The following AXDND1 variants were observed in gnomAD, a reference collection of about 807,000 sequenced individuals.
AXDND1 encodes the protein axonemal dynein light chain domain containing 1, also known as axonemal dynein light chain domain-containing protein 1.
Under a neutral mutation model 137.5 loss-of-function variants are expected in AXDND1, and 110 were observed. That is an observed-to-expected ratio of 0.80 (90% CI 0.69 to 0.94). The LOEUF (loss-of-function observed/expected upper bound fraction) is 0.94, where lower values mean the gene tolerates loss of function less well. Ranked by LOEUF, AXDND1 falls within the 40% of genes least tolerant of loss-of-function variation. AXDND1 has a pLI of 0.00. For missense variants in AXDND1, 1,191 were observed against 1,169.8 expected, an observed-to-expected ratio of 1.02 and a Z score of -0.26; for synonymous variants, 414 against 399.7, an observed-to-expected ratio of 1.04 and a Z score of -0.43.
intron 20 of AXDND1, chr1:179,506,933 T>G (rs1668595326): frequency 1.0e-6 from 1 of 982,336 alleles, no homozygotes; most frequent in Non-Finnish European, 1.2e-6. Context: ...GCAGGTAAAT[T>G]CAAGCCCCAG....
chr1:179,541,018 C>G (rs1271126667), intron 25 of AXDND1, among the ~76,000 whole-genome samples: 3 of 152,224 alleles, frequency 2.0e-5, no homozygotes, highest in African/African-American at 7.2e-5. Flanking sequence ...AGCGAACGCT[C>G]TTCCCCCGAC....
At chr1:179,541,811 T>C (rs1016190587) in intron 25 of AXDND1, among the ~76,000 whole-genome samples, 1 of 152,128 alleles carries the variant, frequency 6.6e-6, no homozygotes, top group South Asian at 2.1e-4. Flanking sequence ...TTGTGTATAA[T>C]AGAAAAAATA....
chr1:179,442,528 G>A (rs558499827), intron 15 of AXDND1, among the ~76,000 whole-genome samples: 1 of 152,298 alleles, frequency 6.6e-6, no homozygotes, highest in East Asian at 1.9e-4. Flanking sequence ...GTCAATGTCT[G>A]AGAACTAACC....
intron 5 of AXDND1, 107 bp downstream of exon 5, chr1:179,378,864 A>C (rs768892864): frequency 2.1e-6 from 2 of 938,458 alleles, no homozygotes; most frequent in Non-Finnish European, 2.8e-6. Context: ...ACGTCATACT[A>C]TAACAACCTG....
At chr1:179,536,967 T>G (rs1003034565) in intron 25 of AXDND1, among the ~76,000 whole-genome samples, 2 of 152,246 alleles carry the variant, frequency 1.3e-5, no homozygotes, top group African/African-American at 4.8e-5. Context: ...TTATTCTCTT[T>G]GTAGCAATTA....
At chr1:179,421,016 T>C (rs1655594677) in intron 12 of AXDND1, among the ~76,000 whole-genome samples, 1 of 152,090 alleles carries the variant, frequency 6.6e-6, no homozygotes, top group South Asian at 2.1e-4. Flanking sequence ...CTTTTTCGTT[T>C]CTTATTCTAT....
intron 12 of AXDND1, among the ~76,000 whole-genome samples, chr1:179,415,533 A>G (rs555585734): frequency 7.9e-5 from 12 of 152,220 alleles, no homozygotes; most frequent in Non-Finnish European, 1.6e-4. Flanking sequence ...AAAGTGTACA[A>G]TTATATGTTT....
At chr1:179,524,003 T>C (rs1167749621) in intron 21 of AXDND1, among the ~76,000 whole-genome samples, 1 of 152,150 alleles carries the variant, frequency 6.6e-6, no homozygotes, top group Non-Finnish European at 1.5e-5. Context: ...AGAATAACAG[T>C]CTCCAAATGC....
chr1:179,514,570 CT>C (rs1379191583), intron 21 of AXDND1, among the ~76,000 whole-genome samples: 14 of 152,066 alleles, frequency 9.2e-5, no homozygotes, highest in Non-Finnish European at 1.6e-4. Flanking sequence ...TTGTATATAT[CT>C]GCTAAGTCCA....
At chr1:179,445,247 G>C in intron 16 of AXDND1, 43 bp downstream of exon 16, 2 of 1,243,800 alleles carry the variant, frequency 1.6e-6, no homozygotes, top group East Asian at 2.7e-5. Context: ...GGTATAAAAT[G>C]TTTCCACAAT....
chr1:179,515,214 A>T lies in AXDND1; in HGVS notation c.2496+5811A>T, dbSNP rs911273114. Among the ~76,000 whole-genome samples the T allele has an allele frequency of 3.3e-5, 5 of 151,696 alleles. No individual in the cohort carries two copies. In the East Asian group the frequency reaches 9.7e-4, roughly 29 times the overall value. On this transcript the variant is annotated intron_variant, in intron 21 of 25. Transcript: ENST00000367618. ...TATGCTTTAAAGAGCTTCTGTTTTG[A>T]TGTGTTTCCAGGATTAGAGCTCTTT...
chr1:179,460,466 T>TAGTTCCA (rs1447249113), intron 16 of AXDND1, among the ~76,000 whole-genome samples: 3 of 152,198 alleles, frequency 2.0e-5, no homozygotes, highest in African/African-American at 7.2e-5. Flanking sequence ...ACATTTGGGT[T>TAGTTCCA]AGTTCCAAGT....
intron 20 of AXDND1, among the ~76,000 whole-genome samples, chr1:179,498,310 A>G (rs902453510): frequency 1.3e-5 from 2 of 151,806 alleles, no homozygotes; most frequent in African/African-American, 4.8e-5. Context: ...AGACATGTAG[A>G]CTAATGGAAC....
At chr1:179,482,842 T>C (rs776313744) in intron 17 of AXDND1, among the ~76,000 whole-genome samples, 4 of 151,658 alleles carry the variant, frequency 2.6e-5, no homozygotes, top group Non-Finnish European at 5.9e-5. Context: ...TGGAAGTAAA[T>C]GTAAAGGGTG....
rs117897507 is a variant in AXDND1, at chr1:179,432,834, C to T, written c.1563+492C>T. Among the ~76,000 whole-genome samples, 1,308 of 151,616 alleles carry T rather than the reference C, an allele frequency of 8.6e-3. 41 individuals carry two copies. The highest frequency in any genetic ancestry group is 0.056 in the Admixed American group (850 of 15,226). The stretch of plus-strand genomic sequence containing the variant: ...AGGAGAATCACTTGAACCAGGGAGT[C>T]ACAGGTTGCAGTGAGCCGAGATTGC... On this transcript the variant is annotated intron_variant, in intron 15 of 25. Coordinates refer to ENST00000367618, the MANE Select transcript of AXDND1 (RefSeq NM_144696.6).
At chr1:179,424,839 C>T (rs1259757728) in intron 12 of AXDND1, among the ~76,000 whole-genome samples, 4 of 152,274 alleles carry the variant, frequency 2.6e-5, no homozygotes, top group Middle Eastern at 3.4e-3. Flanking sequence ...TTGAGAACCT[C>T]TGATGAATTT....
At chr1:179,476,554 CG>C (rs545236950) in intron 17 of AXDND1, among the ~76,000 whole-genome samples, 1,325 of 105,888 alleles carry the variant, frequency 0.013, 41 homozygotes, top group East Asian at 0.1. Context: ...ACAAATTCTT[CG>C]GTTTTTTTTT....
At position 179,551,000 on chromosome 1, in the gene AXDND1, C is replaced by T. The variant is rs114905610; in HGVS notation, c.3032-3512C>T. 8.8e-4 allele frequency: 658 copies of T among 746,556 alleles called. 3 individuals carry two copies. In the African/African-American group the frequency reaches 9.0e-3, roughly 10 times the overall value. The allele number at this position is 746,556 out of a possible 1,614,324, so 46.2% of individuals were successfully genotyped here. On this transcript the variant is annotated intron_variant, in intron 25 of 25. Coordinates refer to ENST00000367618, the MANE Select transcript of AXDND1 (RefSeq NM_144696.6). ...GAAACATGTTGTCTGCCTTCTCTGT[C>T]ATTACATCATTTCACCGTCTTCTCA... is the stretch of plus-strand genomic sequence containing the variant.
At chr1:179,451,079 G>A (rs1175366910) in intron 16 of AXDND1, 1 of 152,138 alleles carries the variant, frequency 6.6e-6, no homozygotes, top group Non-Finnish European at 1.5e-5. Flanking sequence ...TGGTTTTGGT[G>A]TCAGCATAAT....
Sources: allele counts gnomAD v4.1 joint callset (sites outside exome capture counted in the v4.1 genomes callset), GRCh38; gene constraint gnomAD v4.1.1; transcripts MANE v1.5; gene names NCBI Gene and HGNC (gene_info 2026-07-23, HGNC 2026-07-21).